The following ATRX variants were observed in gnomAD, a reference collection of about 807,000 sequenced individuals.
The protein encoded by ATRX is chromatin remodeler ATRX.
A neutral mutation model predicts 172.6 loss-of-function variants in ATRX; 12 were observed. That is an observed-to-expected ratio of 0.07 (90% confidence interval 0.04 to 0.11). ATRX has a LOEUF of 0.11. ATRX is among the 10% of genes least tolerant of loss of function. The probability of loss-of-function intolerance (pLI) is 1.00; values close to 1 mark genes in which losing one functional copy is unlikely to be tolerated. For missense variants in ATRX, 1,368 were observed against 1,767.4 expected (o/e 0.77, Z 4.05); for synonymous variants, 674 against 594.7 (o/e 1.13, Z -1.94).
intron 27 of ATRX, among the ~76,000 whole-genome samples, chrX:77,585,653 A>G (rs1460503195): frequency 4.0e-5 from 4 of 100,248 alleles, no homozygotes; most frequent in Admixed American, 1.2e-4. Flanking sequence ...CTAGGTATAT[A>G]CCCAAAATAA....
At chrX:77,741,189 A>G (rs2074851742) in intron 1 of ATRX, among the ~76,000 whole-genome samples, 1 of 111,212 alleles carries the variant, frequency 9.0e-6, no homozygotes, top group South Asian at 3.8e-4. Context: ...CTCCAGCCCA[A>G]GCAAGAGAGT....
chrX:77,617,517 TATAA>T (rs1557097512), intron 21 of ATRX, among the ~76,000 whole-genome samples: 1 of 111,301 alleles, frequency 9.0e-6, no homozygotes, highest in African/African-American at 3.3e-5. Flanking sequence ...AAGTCACTTA[TATAA>T]ATAATGTAGT....
chrX:77,746,851 T>A (rs1394010496), intron 1 of ATRX, among the ~76,000 whole-genome samples: 1 of 110,381 alleles, frequency 9.1e-6, no homozygotes, highest in Non-Finnish European at 1.9e-5. Flanking sequence ...CAGGCTGGAG[T>A]TGCAGTGGCG....
At position 77,683,983 on chromosome X, in the gene ATRX, T is replaced by G. The variant is rs782508808; in HGVS notation, c.1273A>C (p.Lys425Gln). The G allele has an allele frequency of 8.3e-7, 1 of 1,210,203 alleles. No individual in the cohort carries two copies. Among genetic ancestry groups the G allele is most frequent in the Non-Finnish European group, 1.1e-6 (1 of 894,045 alleles). The change falls in exon 9 of 35, where the codon AAA (lysine) becomes CAA (glutamine). Residue 425 changes from lysine (K) to glutamine (Q), a missense_variant. By Grantham distance (53) the Lys-to-Gln change is moderately conservative. Transcript: ENST00000373344. ...SEFRAMDAVN[K>Q]EKNTKEHKVI... The stretch of plus-strand genomic sequence containing the variant: ...TTATGCTCTTTGGTATTTTTCTCTT[T>G]GTTTACAGCATCCATCGCTCGAAAC...
At chrX:77,783,071 T>G (rs2148985964) in intron 1 of ATRX, among the ~76,000 whole-genome samples, 1 of 110,644 alleles carries the variant, frequency 9.0e-6, no homozygotes, top group Admixed American at 9.7e-5. Context: ...CCCTCTCTAC[T>G]AAAAATACAA....
Position 77,618,791 on chromosome X carries a change from G to A in ATRX, c.5448+15C>T, listed in dbSNP as rs369367932. ...AAAAGTAAGAATATTTTATTACTAT[G>A]GAACATATTTGTACCTGAACACATC... On this transcript the variant is annotated intron_variant, in intron 21 of 34. Coordinates refer to ENST00000373344, the MANE Select transcript of ATRX (RefSeq NM_000489.6). 2.5e-5 allele frequency: 30 copies of A among 1,191,280 alleles called. No homozygotes were observed. Among genetic ancestry groups the A allele is most frequent in the Non-Finnish European group, 3.4e-5 (30 of 877,477 alleles).
At position 77,619,695 on chromosome X, in the gene ATRX, C is replaced by T. The variant is rs146164356; in HGVS notation, c.5272+700G>A. ...TAAAGTATAGGCTAAAGTGAAATGACTAGTATTACAAATAATAAAATAGCA... is the reference window on the plus strand; with the variant it reads ...TAAAGTATAGGCTAAAGTGAAATGATTAGTATTACAAATAATAAAATAGCA... On this transcript the variant is annotated intron_variant, in intron 20 of 34. Transcript: ENST00000373344. 8.8e-3 allele frequency among the ~76,000 whole-genome samples: 971 copies of T among 110,102 alleles called. 12 individuals carry two copies. Among genetic ancestry groups the T allele is most frequent in the African/African-American group, 0.031 (932 of 30,300 alleles).
chrX:77,724,115 C>T (rs1478685533), intron 1 of ATRX, among the ~76,000 whole-genome samples: 4 of 110,271 alleles, frequency 3.6e-5, no homozygotes, highest in Non-Finnish European at 5.7e-5. Context: ...CCCGTCTCCC[C>T]TAGAAACACA....
chrX:77,585,506 G>A (rs781954994), intron 27 of ATRX, among the ~76,000 whole-genome samples: 4 of 93,876 alleles, frequency 4.3e-5, no homozygotes, highest in African/African-American at 1.6e-4. Context: ...AACTCAGGAG[G>A]TGGAAGTTGC....
At chrX:77,662,756 A>G (rs782031133) in intron 12 of ATRX, among the ~76,000 whole-genome samples, 3 of 111,215 alleles carry the variant, frequency 2.7e-5, no homozygotes, top group Non-Finnish European at 5.7e-5. Flanking sequence ...GCAATGGCGC[A>G]ATCTCAGCTC....
chrX:77,765,554 C>T (rs2075877994), intron 1 of ATRX, among the ~76,000 whole-genome samples: 1 of 111,835 alleles, frequency 8.9e-6, no homozygotes, highest in Admixed American at 9.5e-5. Flanking sequence ...GTTAAAAACA[C>T]GGTACTGTAC....
At chrX:77,564,121 G>A (rs1252043850) in intron 28 of ATRX, among the ~76,000 whole-genome samples, 4 of 111,629 alleles carry the variant, frequency 3.6e-5, no homozygotes, top group Admixed American at 9.5e-5. Flanking sequence ...TACCCTTTCA[G>A]GAGCACCCTC....
chrX:77,617,245 T>C (rs939395527), intron 21 of ATRX, among the ~76,000 whole-genome samples: 4 of 111,958 alleles, frequency 3.6e-5, no homozygotes, highest in African/African-American at 9.7e-5. Context: ...CAAGCACTCT[T>C]GAAACCATTT....
chrX:77,598,589 A>G (rs1314822203), intron 25 of ATRX, among the ~76,000 whole-genome samples: 3 of 111,780 alleles, frequency 2.7e-5, no homozygotes, highest in African/African-American at 9.7e-5. Flanking sequence ...GCTTTGCTCC[A>G]CAACTCCCAA....
chrX:77,708,947 C>T (rs1435501952), intron 2 of ATRX, among the ~76,000 whole-genome samples: 1 of 112,381 alleles, frequency 8.9e-6, no homozygotes, highest in East Asian at 2.8e-4. Flanking sequence ...TGGCTGATGC[C>T]TGTAATCTAA....
chrX:77,662,617 G>T (rs1465282879), intron 12 of ATRX, among the ~76,000 whole-genome samples: 1 of 111,959 alleles, frequency 8.9e-6, no homozygotes, highest in Non-Finnish European at 1.9e-5. Flanking sequence ...TCATGTGATA[G>T]TATACTTGTT....
chrX:77,655,646 T>C (rs1482136134), intron 13 of ATRX, among the ~76,000 whole-genome samples: 2 of 109,631 alleles, frequency 1.8e-5, no homozygotes, highest in Non-Finnish European at 3.8e-5. Flanking sequence ...ACTTTGCAAA[T>C]ATTCTGAAGA....
At chrX:77,538,954 G>A (rs956735492) in intron 30 of ATRX, among the ~76,000 whole-genome samples, 5 of 105,329 alleles carry the variant, frequency 4.7e-5, no homozygotes, top group Non-Finnish European at 9.7e-5. Flanking sequence ...GAGTGCAGTG[G>A]CGCAATCGCA....
chrX:77,715,753 T>C (rs1309325442), intron 2 of ATRX, among the ~76,000 whole-genome samples: 1 of 111,605 alleles, frequency 9.0e-6, no homozygotes, highest in Non-Finnish European at 1.9e-5. Context: ...AGTCTGATGT[T>C]TTTCATCACT....
Sources: allele counts gnomAD v4.1 joint callset (sites outside exome capture counted in the v4.1 genomes callset), GRCh38; gene constraint gnomAD v4.1.1; transcripts MANE v1.5; gene names NCBI Gene and HGNC (gene_info 2026-07-23, HGNC 2026-07-21).